Variants in CACNG6 observed in about 807,000 individuals in gnomAD.
CACNG6 encodes voltage-dependent calcium channel gamma-6 subunit.
CACNG6 carries 21 observed loss-of-function variants against 23.9 expected under a neutral mutation model. The ratio of observed to expected loss-of-function variants is 0.88; its 90% CI spans 0.62 to 1.26. CACNG6 has a LOEUF of 1.26. Among genes scored for constraint, CACNG6 ranks in the 50% most tolerant of loss-of-function variants. The probability of loss-of-function intolerance (pLI) is 0.00; values close to 1 mark genes in which losing one functional copy is unlikely to be tolerated. For missense variants in CACNG6, 340 were observed against 352.9 expected, an observed-to-expected ratio of 0.96 and a Z score of 0.29; for synonymous variants, 182 against 168.9, an observed-to-expected ratio of 1.08 and a Z score of -0.60.
At chr19:54,006,517 C>CTTTT (rs1236056716) in intron 3 of CACNG6, among the ~76,000 whole-genome samples, 48 of 107,314 alleles carry the variant, frequency 4.5e-4, no homozygotes, top group African/African-American at 6.4e-4. Context: ...TTCCTTCTTT[C>CTTTT]TTTTCTTTTT....
rs2069463109 is a variant in CACNG6 at position 53,991,800 on chromosome 19, G to C, written c.-1078G>C. Among the ~76,000 whole-genome samples, 1 of 152,098 alleles carries C rather than the reference G, an allele frequency of 6.6e-6. No individual in the cohort carries two copies. The highest frequency in any genetic ancestry group is 2.4e-5 in the African/African-American group (1 of 41,428). ...CTGGGGCTGAGCCTGGCGCGAACCC[G>C]ACCGGGAAGGCCCTGGGAGCCCGGG... On this transcript the variant is annotated 5_prime_UTR_variant, in exon 1 of 4. Transcript: ENST00000252729.
At chr19:53,991,558 G>A (rs2069458522), upstream of CACNG6, among the ~76,000 whole-genome samples, 2 of 129,448 alleles carry the variant, frequency 1.5e-5, no homozygotes, top group African/African-American at 5.5e-5. Context: ...TACGGGTCAA[G>A]CCCGAAATAG....
intron 3 of CACNG6, among the ~76,000 whole-genome samples, chr19:54,004,766 G>A (rs556681938): frequency 2.0e-5 from 3 of 152,148 alleles, no homozygotes; most frequent in East Asian, 3.9e-4. Context: ...GGCCTGGAGC[G>A]TTCTTCCGCC....
At chr19:54,011,055 C>A (rs2145969781) in intron 3 of CACNG6, among the ~76,000 whole-genome samples, 1 of 151,372 alleles carries the variant, frequency 6.6e-6, no homozygotes, top group Middle Eastern at 3.4e-3. Flanking sequence ...TCTCCTCTAG[C>A]TCTTTGAAAA....
chr19:53,992,869 G>A lies in CACNG6; in HGVS notation c.-9G>A, dbSNP rs764408060. On this transcript the variant is annotated 5_prime_UTR_variant, in exon 1 of 4. Transcript: ENST00000252729. The surrounding 1 kb of genome is among the most constrained non-coding windows in gnomAD (Gnocchi z 4.1). The stretch of plus-strand genomic sequence containing the variant: ...CCTCCTCCCCCTTCCCGACCCCACC[G>A]GCCATAAGATGATGTGGTCCAACTT... 56 of 1,377,862 alleles carry A rather than the reference G, an allele frequency of 4.1e-5. No homozygotes were observed. The highest frequency in any genetic ancestry group is 3.9e-4 in the Middle Eastern group (2 of 5,160). 85.4% of individuals were successfully genotyped at this position (1,377,862 alleles called of 1,614,324 possible). A position where few individuals can be genotyped will look rare whatever the true frequency, so the allele number is the denominator to read the frequency against.
chr19:53,996,550 T>A (rs2069523220), intron 1 of CACNG6, among the ~76,000 whole-genome samples: 1 of 151,108 alleles, frequency 6.6e-6, no homozygotes, highest in Admixed American at 6.6e-5. Context: ...GTGCCACCAC[T>A]CCCGGCTAAT....
intron 3 of CACNG6, among the ~76,000 whole-genome samples, chr19:54,011,227 T>TATATATATATATATATATATATAC (rs1442985544): frequency 1.4e-4 from 13 of 95,278 alleles, no homozygotes; most frequent in African/African-American, 5.2e-4. Context: ...TATATATATA[T>TATATATATATATATATATATATAC]ACACACACAC....
At chr19:53,999,150 G>C (rs934716698) in intron 2 of CACNG6, among the ~76,000 whole-genome samples, 1 of 152,154 alleles carries the variant, frequency 6.6e-6, no homozygotes, top group Non-Finnish European at 1.5e-5. Context: ...ATAGGTGTGA[G>C]CCACCGCACC....
In CACNG6 at chr19:54,005,462, A is replaced by AG. The variant is rs542588271; in HGVS notation, c.544+5691_544+5692insG. Among the ~76,000 whole-genome samples, 28 of 151,274 alleles carry AG rather than the reference A, an allele frequency of 1.9e-4. 1 individual carries two copies. The South Asian group carries it at 5.8e-3, about 32-fold the overall frequency. ...AAAAAAAATAGATAAAAATTTAAAAATAAAATAAACTGGCCGGGCATGGTG... is the reference window on the plus strand; with the variant it reads ...AAAAAAAATAGATAAAAATTTAAAAAGTAAAATAAACTGGCCGGGCATGGTG... On this transcript the variant is annotated intron_variant, in intron 3 of 3. Transcript: ENST00000252729.
At chr19:54,002,254 C>T (rs1246734818) in intron 3 of CACNG6, among the ~76,000 whole-genome samples, 2 of 147,700 alleles carry the variant, frequency 1.4e-5, no homozygotes, top group African/African-American at 2.5e-5. Context: ...CCGCCAAGCC[C>T]GGCTAATTTT....
chr19:53,996,373 C>T (rs568521314), intron 1 of CACNG6, among the ~76,000 whole-genome samples: 1 of 148,816 alleles, frequency 6.7e-6, no homozygotes, highest in African/African-American at 2.5e-5. Flanking sequence ...TTCTGTCTTT[C>T]TTAACTTTAA....
chr19:53,996,297 A>G (rs1373675042), intron 1 of CACNG6, among the ~76,000 whole-genome samples: 1 of 151,940 alleles, frequency 6.6e-6, no homozygotes, highest in Non-Finnish European at 1.5e-5. Context: ...TGGGTCTAAA[A>G]TGCACTTCAG....
chr19:54,011,858 G>C (rs2069718643), intron 3 of CACNG6, 93 bp from the exon 4 acceptor site: 1 of 826,948 alleles, frequency 1.2e-6, no homozygotes, highest in Non-Finnish European at 1.8e-6. Context: ...GAAGGTGCCA[G>C]GGTGGGCGGG....
chr19:54,012,323 C>T lies in CACNG6; in HGVS notation c.*134C>T, dbSNP rs771636505. ...CGGGGGCCCATGTTTTTTTACACGC[C>T]TGCCTCCTGTCCCCTTATCCTTTCT... On this transcript the variant is annotated 3_prime_UTR_variant, in exon 4 of 4. Transcript: ENST00000252729. 2.7e-5 allele frequency: 13 copies of T among 480,590 alleles called. No homozygotes were observed. The highest frequency in any genetic ancestry group is 4.4e-5 in the Non-Finnish European group (12 of 269,930). The allele number at this position is 480,590 out of a possible 1,614,324, so 29.8% of individuals were successfully genotyped here.
In CACNG6 at chr19:54,002,284, G is replaced by GTTT. The variant is rs139176353; in HGVS notation, c.544+2525_544+2527dup. Among the ~76,000 whole-genome samples the GTTT allele has an allele frequency of 5.4e-4, 63 of 117,400 alleles. 1 individual carries two copies. The highest frequency in any genetic ancestry group is 3.0e-3 in the Admixed American group (33 of 10,902). The allele number at this position is 117,400 out of a possible 152,430, so 77.0% of individuals were successfully genotyped here. ...AATTTTCGGTTTTTTTGTTTTTTTT[G>GTTT]TTTTTTTTTTTTTTGTAGAGATAGG... On this transcript the variant is annotated intron_variant, in intron 3 of 3. Transcript: ENST00000252729.
intron 3 of CACNG6, among the ~76,000 whole-genome samples, chr19:54,005,253 T>TAAATAAATAAA (rs1199055881): frequency 1.9e-4 from 11 of 58,248 alleles, no homozygotes; most frequent in South Asian, 1.5e-3. Context: ...AAATAAATAA[T>TAAATAAATAAA]AATAAAAGAA....
chr19:54,006,473 A>G (rs1279448665), intron 3 of CACNG6, among the ~76,000 whole-genome samples: 2 of 147,284 alleles, frequency 1.4e-5, no homozygotes, highest in African/African-American at 5.0e-5. Context: ...GTATCTTCAC[A>G]TGGTCTTCCC....
Position 53,998,228 on chromosome 19 carries a change from T to A in CACNG6, c.332-11T>A. 6.2e-7 allele frequency: 1 copy of A among 1,613,120 alleles called. No homozygotes were observed. The highest frequency in any genetic ancestry group is 1.1e-5 in the South Asian group (1 of 91,064). On this transcript the variant is annotated splice_polypyrimidine_tract_variant and intron_variant, in intron 1 of 3. Transcript: ENST00000252729. ...ATCCTCATGTCTGTTTTCTCTCTCC[T>A]GCTCCCACAGAAGCAAACTGCACCT... is the stretch of plus-strand genomic sequence containing the variant.
chr19:53,998,169 C>A, intron 1 of CACNG6, 70 bp from the exon 2 acceptor site: 1 of 1,352,616 alleles, frequency 7.4e-7, no homozygotes, highest in Non-Finnish European at 1.1e-6. Context: ...GGGCTGTTAA[C>A]TGTCCAGCCC....
Sources: allele counts gnomAD v4.1 joint callset (sites outside exome capture counted in the v4.1 genomes callset), GRCh38; gene constraint gnomAD v4.1.1; non-coding constraint Gnocchi (gnomAD v3.1); transcripts MANE v1.5; gene names NCBI Gene and HGNC (gene_info 2026-07-23, HGNC 2026-07-21).